FERMT3: variants seen among roughly 807,000 people sequenced by gnomAD.
FERMT3 encodes fermitin family homolog 3.
In FERMT3, 33 loss-of-function variants were observed where a neutral mutation model predicts 80.8. The observed-to-expected ratio is 0.41, with a 90% CI of 0.31 to 0.55. FERMT3 has a LOEUF of 0.55. Among genes scored for constraint, FERMT3 ranks in the 20% least tolerant of loss-of-function variants. The pLI is 0.31. For synonymous variants in FERMT3, 375 were observed against 372.2 expected (o/e 1.01, Z -0.09); for missense variants, 754 against 908.7 (o/e 0.83, Z 2.19).
chr11:64,211,110 G>T lies in FERMT3; in HGVS notation c.453G>T (p.Lys151Asn), dbSNP rs758076788. The change falls in exon 4 of 15, where the codon AAG becomes AAT. Residue 151 changes from lysine (K) to asparagine (N), a missense_variant. Lys to Asn is a moderately conservative substitution (Grantham distance 94). Transcript: ENST00000345728. This position sits in a 1 kb window ranked among gnomAD's most constrained non-coding sequence, Gnocchi z 4.7. ...GGGCTCCTGAGAAGAAGGAGAAGAA[G>T]AAGAAAGAGAAGGAGCCAGAGGAAG... ...LLRAPEKKEKKKKEKEPEEEL... is the reference protein window; with the variant it reads ...LLRAPEKKEKNKKEKEPEEEL... The T allele has an allele frequency of 6.4e-7, 1 of 1,556,838 alleles. No individual in the cohort carries two copies. The highest frequency in any genetic ancestry group is 1.9e-5 in the Admixed American group (1 of 51,700).
rs1449240696 is a variant in FERMT3 at position 64,211,003 on chromosome 11, G to A, written c.395-49G>A. 2.5e-6 allele frequency: 4 copies of A among 1,608,176 alleles called. No individual in the cohort carries two copies. The highest frequency in any genetic ancestry group is 3.4e-6 in the Non-Finnish European group (4 of 1,177,726). On this transcript the variant is annotated intron_variant, in intron 3 of 14. Coordinates refer to ENST00000345728, the MANE Select transcript of FERMT3 (RefSeq NM_031471.6). This position sits in a 1 kb window ranked among gnomAD's most constrained non-coding sequence, Gnocchi z 4.7. Reference sequence around the variant, plus strand: ...CCCCAAGCACCCATGGGTGAGGTGGGGAGGCTGCAGCAGGACCTAGTCCCC... The same window carrying A: ...CCCCAAGCACCCATGGGTGAGGTGGAGAGGCTGCAGCAGGACCTAGTCCCC...
chr11:64,223,634 G>A lies in FERMT3; in HGVS notation c.*142G>A. 9.2e-7 allele frequency: 1 copy of A among 1,089,470 alleles called. No homozygotes were observed. Among genetic ancestry groups the A allele is most frequent in the Non-Finnish European group, 1.3e-6 (1 of 747,202 alleles). 67.5% of individuals were successfully genotyped at this position (1,089,470 alleles called of 1,614,324 possible). A position where few individuals can be genotyped will look rare whatever the true frequency, so the allele number is the denominator to read the frequency against. The stretch of plus-strand genomic sequence containing the variant: ...CACCTGCTGTCACTGACTTTGTGCA[G>A]GCCAAGGACCTGGCAGGGCCAGACG... On this transcript the variant is annotated 3_prime_UTR_variant, in exon 15 of 15. Transcript: ENST00000345728.
At chr11:64,223,021 G>T in intron 13 of FERMT3, 27 bp from the exon 14 acceptor site, 1 of 1,613,008 alleles carries the variant, frequency 6.2e-7, no homozygotes, top group Non-Finnish European at 8.5e-7. Flanking sequence ...GTGGAGCCCT[G>T]GCTCACTCTC....
At chr11:64,218,338 C>G (rs1387938271) in intron 6 of FERMT3, among the ~76,000 whole-genome samples, 1 of 151,598 alleles carries the variant, frequency 6.6e-6, no homozygotes, top group Non-Finnish European at 1.5e-5. Flanking sequence ...AGGTCTCACT[C>G]TATCCCCCAA....
At chr11:64,217,621 T>G (rs1049983197) in intron 6 of FERMT3, among the ~76,000 whole-genome samples, 5 of 152,180 alleles carry the variant, frequency 3.3e-5, no homozygotes, top group African/African-American at 9.7e-5. Flanking sequence ...GGGTACCAAA[T>G]GCAGGGGTGC....
At position 64,220,602 on chromosome 11, in the gene FERMT3, C is replaced by T; in HGVS notation, c.1478C>T (p.Ser493Phe). 2 of 1,610,816 alleles carry T rather than the reference C, an allele frequency of 1.2e-6. No homozygotes were observed. The highest frequency in any genetic ancestry group is 1.7e-6 in the Non-Finnish European group (2 of 1,178,994). The change falls in exon 12 of 15, where the codon TCT becomes TTT. Residue 493 changes from serine (S) to phenylalanine (F), a missense_variant. Transcript: ENST00000345728. Reference protein sequence around the residue: ...PGNHPHGPDASAEGLNPYGLV... With the variant: ...PGNHPHGPDAFAEGLNPYGLV... ...AACCACCCCCACGGCCCTGATGCCT[C>T]TGCCGAGGGCCTCAACCCCTACGGC... is the stretch of plus-strand genomic sequence containing the variant.
At chr11:64,220,807 T>G in intron 12 of FERMT3, 138 bp downstream of exon 12, 1 of 1,269,238 alleles carries the variant, frequency 7.9e-7, no homozygotes, top group Non-Finnish European at 1.1e-6. Context: ...ATTGTGCGGC[T>G]GGTACCCACC....
Position 64,211,690 on chromosome 11 carries a change from C to A in FERMT3, c.729C>A (p.Ala243=). ...GTCTCATGCAGCAGGGCATCAAGGC[C>A]GGGGACGCACTCTGGCTGCGCTTCA... ...SRCLMQQGIK[A]GDALWLRFKY... Residue 243 remains alanine, a synonymous_variant, in exon 6 of 15, where the codon GCC becomes GCA. Coordinates refer to ENST00000345728, the MANE Select transcript of FERMT3 (RefSeq NM_031471.6). This position sits in a 1 kb window ranked among gnomAD's most constrained non-coding sequence, Gnocchi z 4.7. 1.2e-6 allele frequency: 2 copies of A among 1,614,104 alleles called. No individual in the cohort carries two copies. The highest frequency in any genetic ancestry group is 2.7e-5 in the African/African-American group (2 of 75,028).
chr11:64,210,623 A>T lies in FERMT3; in HGVS notation c.173A>T (p.Asp58Val). ...KIVEQINRKQ[D>V]WSDHAIWWEQ... ...CCGTGCCCCACAGATCGCAAGCAGGACTGGTCAGACCATGCTATTTGGTGG... is the reference window on the plus strand; with the variant it reads ...CCGTGCCCCACAGATCGCAAGCAGGTCTGGTCAGACCATGCTATTTGGTGG... Residue 58 changes from aspartate (D) to valine (V), a missense_variant, in exon 3 of 15, where the codon GAC becomes GTC. Transcript: ENST00000345728. This position sits in a 1 kb window ranked among gnomAD's most constrained non-coding sequence, Gnocchi z 4.3. The T allele has an allele frequency of 6.2e-7, 1 of 1,614,028 alleles. No individual in the cohort carries two copies. Among genetic ancestry groups the T allele is most frequent in the Non-Finnish European group, 8.5e-7 (1 of 1,179,946 alleles).
intron 13 of FERMT3, 61 bp from the exon 14 acceptor site, chr11:64,222,987 C>G: frequency 1.2e-6 from 2 of 1,606,036 alleles, no homozygotes; most frequent in African/African-American, 1.3e-5. Flanking sequence ...GCCACATTGT[C>G]TGGGCGGGCT....
Position 64,211,195 on chromosome 11 carries a change from TG to T in FERMT3, c.514+30del. The T allele has an allele frequency of 7.3e-6, 1 of 137,172 alleles. No homozygotes were observed. The highest frequency in any genetic ancestry group is 9.3e-6 in the Non-Finnish European group (1 of 107,192). The allele number at this position is 137,172 out of a possible 1,614,324, so 8.5% of individuals were successfully genotyped here. On this transcript the variant is annotated intron_variant, in intron 4 of 14. Transcript: ENST00000345728. The surrounding 1 kb of genome is among the most constrained non-coding windows in gnomAD (Gnocchi z 4.7). ...GGGTGAGTGCAAGTGGGGGTGGGCC[TG>T]GGGGGTTGGGGGCAGGGGCCGGCCC...
At chr11:64,222,981 C>T (rs1049837401) in intron 13 of FERMT3, 67 bp from the exon 14 acceptor site, 3 of 1,602,712 alleles carry the variant, frequency 1.9e-6, no homozygotes, top group Non-Finnish European at 2.6e-6. Flanking sequence ...CACGGCGCCA[C>T]ATTGTCTGGG....
intron 13 of FERMT3, among the ~76,000 whole-genome samples, chr11:64,222,362 C>G (rs1186098843): frequency 6.7e-6 from 1 of 148,796 alleles, no homozygotes; most frequent in African/African-American, 2.5e-5. Context: ...GTCAGGAGTT[C>G]GAGACCAGCC....
intron 6 of FERMT3, among the ~76,000 whole-genome samples, chr11:64,218,000 C>CTTTTTT (rs34718711): frequency 1.6e-4 from 19 of 119,484 alleles, no homozygotes; most frequent in East Asian, 2.4e-4. Flanking sequence ...TTCCTTTTTC[C>CTTTTTT]TTTTTTTTTT....
upstream of FERMT3, among the ~76,000 whole-genome samples, chr11:64,206,203 A>G: frequency 6.6e-6 from 1 of 152,228 alleles, no homozygotes; most frequent in Non-Finnish European, 1.5e-5. Context: ...GTCTGAGTTC[A>G]TGAGTTTGAA....
chr11:64,211,252 T>A lies in FERMT3; in HGVS notation c.515-23T>A, dbSNP rs766883359. 6.2e-7 allele frequency: 1 copy of A among 1,612,734 alleles called. No individual in the cohort carries two copies. ...TCCCAGCCCTGGGGGACAGGCCTGG[T>A]TGACTCCCAACCTGCACTCCAGGCG... On this transcript the variant is annotated intron_variant, in intron 4 of 14. Transcript: ENST00000345728. This position sits in a 1 kb window ranked among gnomAD's most constrained non-coding sequence, Gnocchi z 4.7.
In FERMT3 at chr11:64,221,081, G is replaced by A. The variant is rs1946671183; in HGVS notation, c.1611G>A (p.Leu537=). ...AGTTGTCGCTGGCAGAGGCCCAGCT[G>A]CGCTTCATCCAGGCCTGGCAGTCCC... ...VAQLSLAEAQ[L]RFIQAWQSLP... Residue 537 remains leucine, a synonymous_variant, in exon 13 of 15, where the codon CTG becomes CTA. Coordinates refer to ENST00000345728, the MANE Select transcript of FERMT3 (RefSeq NM_031471.6). 1.2e-6 allele frequency: 2 copies of A among 1,612,280 alleles called. No individual in the cohort carries two copies. Among genetic ancestry groups the A allele is most frequent in the Non-Finnish European group, 1.7e-6 (2 of 1,180,030 alleles).
At chr11:64,215,475 T>C (rs958559591) in intron 6 of FERMT3, among the ~76,000 whole-genome samples, 1 of 152,234 alleles carries the variant, frequency 6.6e-6, no homozygotes, top group African/African-American at 2.4e-5. Flanking sequence ...ATTGTGAATA[T>C]ATTTTCCCCC....
intron 6 of FERMT3, among the ~76,000 whole-genome samples, chr11:64,217,580 G>A (rs372362933): frequency 6.6e-6 from 1 of 152,032 alleles, no homozygotes; most frequent in Admixed American, 6.6e-5. Context: ...TTTCACCCTA[G>A]TGCAACCCCC....
Sources: allele counts gnomAD v4.1 joint callset (sites outside exome capture counted in the v4.1 genomes callset), GRCh38; gene constraint gnomAD v4.1.1; non-coding constraint Gnocchi (gnomAD v3.1); transcripts MANE v1.5; gene names NCBI Gene and HGNC (gene_info 2026-07-23, HGNC 2026-07-21).